PLCE1: variants seen among roughly 807,000 people sequenced by gnomAD.
PLCE1 encodes 1-phosphatidylinositol 4,5-bisphosphate phosphodiesterase epsilon-1.
In PLCE1, 119 loss-of-function variants were observed where a neutral mutation model predicts 242.8. The ratio of observed to expected loss-of-function variants is 0.49; its 90% CI spans 0.42 to 0.57. The LOEUF is 0.57. Ranked by LOEUF, PLCE1 falls within the 20% of genes least tolerant of loss-of-function variation. The pLI is 0.00. For missense variants in PLCE1, 2,441 were observed against 2,788.8 expected, an observed-to-expected ratio of 0.88 and a Z score of 2.81; for synonymous variants, 945 against 1,017.4, an observed-to-expected ratio of 0.93 and a Z score of 1.35.
At chr10:94,129,450 T>C (rs1290719863) in intron 2 of PLCE1, among the ~76,000 whole-genome samples, 1 of 152,212 alleles carries the variant, frequency 6.6e-6, no homozygotes, top group Non-Finnish European at 1.5e-5. Flanking sequence ...TTTACTGAGA[T>C]TTTTTAAACT....
intron 4 of PLCE1, among the ~76,000 whole-genome samples, chr10:94,176,607 G>A (rs987028122): frequency 1.3e-5 from 2 of 152,166 alleles, no homozygotes; most frequent in Non-Finnish European, 2.9e-5. Context: ...GAATGTTATA[G>A]TATCTTAAAG....
At chr10:94,122,773 C>A (rs2046335162) in intron 2 of PLCE1, among the ~76,000 whole-genome samples, 1 of 152,172 alleles carries the variant, frequency 6.6e-6, no homozygotes, top group South Asian at 2.1e-4. Context: ...TTTTCAAACT[C>A]TAGCAGGAAT....
At chr10:94,252,555 T>A in intron 9 of PLCE1, 57 bp downstream of exon 9, 2 of 1,413,712 alleles carry the variant, frequency 1.4e-6, no homozygotes, top group Non-Finnish European at 2.0e-6. Context: ...CGCTGTATGG[T>A]GAACATCACC....
In PLCE1 at chr10:94,331,869, CTTTTTTTTTTTT is replaced by C. The variant is rs36054579; in HGVS notation, c.*3935_*3946del. On this transcript the variant is annotated 3_prime_UTR_variant, in exon 33 of 33. Transcript: ENST00000371380. ...GAGTCTCTATGATTACCAAGTTATT[CTTTTTTTTTTTT>C]TTTTTTTTGAGGCAAAGTCTCACTC... The C allele has an allele frequency of 2.5e-5, 3 of 119,094 alleles. No homozygotes were observed. Among genetic ancestry groups the C allele is most frequent in the Admixed American group, 1.8e-4 (2 of 11,002 alleles). 7.4% of individuals were successfully genotyped at this position (119,094 alleles called of 1,614,324 possible). A position where few individuals can be genotyped will look rare whatever the true frequency, so the allele number is the denominator to read the frequency against.
intron 29 of PLCE1, 84 bp from the exon 30 acceptor site, chr10:94,321,817 A>T (rs576428512): frequency 1.8e-5 from 18 of 990,860 alleles, no homozygotes; most frequent in Non-Finnish European, 2.5e-5. Flanking sequence ...TCACCAAGAT[A>T]CAAGCTCAGA....
chr10:94,327,169 A>C (rs1187859343), intron 32 of PLCE1, among the ~76,000 whole-genome samples: 1 of 152,216 alleles, frequency 6.6e-6, no homozygotes, highest in Non-Finnish European at 1.5e-5. Context: ...TCAAAACAAA[A>C]GCTAGGGAGG....
intron 18 of PLCE1, 42 bp from the exon 19 acceptor site, chr10:94,273,520 G>A: frequency 6.5e-7 from 1 of 1,548,682 alleles, no homozygotes; most frequent in Non-Finnish European, 8.9e-7. Context: ...ATCAATTATA[G>A]ATAAAAGGCA....
chr10:94,048,900 C>G (rs532083926), intron 2 of PLCE1, among the ~76,000 whole-genome samples: 1 of 151,272 alleles, frequency 6.6e-6, no homozygotes, highest in African/African-American at 2.4e-5. Context: ...TCCCGAGTAG[C>G]TGGGACTACA....
chr10:94,120,106 A>C (rs555133842), intron 2 of PLCE1, among the ~76,000 whole-genome samples: 1 of 151,992 alleles, frequency 6.6e-6, no homozygotes, highest in African/African-American at 2.4e-5. Flanking sequence ...GGGCTTTCCT[A>C]CTATTCTCTA....
chr10:94,293,751 A>G (rs1340386080), intron 23 of PLCE1, 112 bp downstream of exon 23: 1 of 1,227,912 alleles, frequency 8.1e-7, no homozygotes, highest in Non-Finnish European at 1.2e-6. Context: ...CCTGAACATT[A>G]ATATTGTCTG....
chr10:94,278,027 C>T (rs1030206386), intron 19 of PLCE1, among the ~76,000 whole-genome samples: 2 of 152,124 alleles, frequency 1.3e-5, no homozygotes, highest in Non-Finnish European at 2.9e-5. Flanking sequence ...TGAGAAATCG[C>T]AGCCTAGACC....
At chr10:94,268,470 G>C (rs1303743414) in intron 16 of PLCE1, among the ~76,000 whole-genome samples, 2 of 152,152 alleles carry the variant, frequency 1.3e-5, no homozygotes, top group African/African-American at 4.8e-5. Flanking sequence ...GGTCTTAATG[G>C]AAGTGATTTT....
intron 4 of PLCE1, among the ~76,000 whole-genome samples, chr10:94,199,881 A>G (rs527953143): frequency 6.6e-6 from 1 of 152,356 alleles, no homozygotes; most frequent in South Asian, 2.1e-4. Context: ...ATGACTGCAC[A>G]GCAGCAAAGA....
Position 94,321,938 on chromosome 10 carries a change from A to G in PLCE1, c.6380A>G (p.Glu2127Gly). 1 of 1,613,768 alleles carries G rather than the reference A, an allele frequency of 6.2e-7. No homozygotes were observed. Among genetic ancestry groups the G allele is most frequent in the Non-Finnish European group, 8.5e-7 (1 of 1,179,658 alleles). The change falls in exon 30 of 33, where the codon GAG (glutamate) becomes GGG (glycine). Residue 2127 changes from glutamate (E) to glycine (G), a missense_variant. Physicochemically the swap from Glu to Gly is moderately conservative, Grantham distance 98. This residue lies in a region of PLCE1 where 310 missense variants were observed against 317.2 expected (regional missense o/e 0.98). Coordinates refer to ENST00000371380, the MANE Select transcript of PLCE1 (RefSeq NM_016341.4). ...EEKNIVQDDK[E>G]VILSSEEESF... ...AAAAACATTGTTCAAGATGACAAAG[A>G]GGTGATCTTGAGCTCAGAGGAGGAG...
chr10:94,283,895 C>T lies in PLCE1; in HGVS notation c.4901C>T (p.Ala1634Val). 1 of 1,611,710 alleles carries T rather than the reference C, an allele frequency of 6.2e-7. No homozygotes were observed. The highest frequency in any genetic ancestry group is 8.5e-7 in the Non-Finnish European group (1 of 1,178,358). The change falls in exon 21 of 33, where the codon GCT (alanine) becomes GTT (valine). Residue 1634 changes from alanine (A) to valine (V), a missense_variant. Around this residue, in one of 5 missense-constraint regions of PLCE1, gnomAD observed 1,004 missense variants for 1,322.7 expected, o/e 0.76. Coordinates refer to ENST00000371380, the MANE Select transcript of PLCE1 (RefSeq NM_016341.4). ...AGGATAAAGAAAGCAGATAACTCTG[C>T]TTGCAACAAAGGAAAGGTGGGTGAA... The part of the protein sequence containing the change: ...PKRIKKADNS[A>V]CNKGKVYDME...
At position 94,321,903 on chromosome 10, in the gene PLCE1, C is replaced by T. The variant is rs1268028989; in HGVS notation, c.6345C>T (p.Asn2115=). The T allele has an allele frequency of 1.9e-6, 3 of 1,610,790 alleles. No homozygotes were observed. Among genetic ancestry groups the T allele is most frequent in the South Asian group, 2.2e-5 (2 of 91,004 alleles). ...GRIVLKTQQE[N]LEEKNIVQDD... is the part of the protein sequence containing the mutation. ...ACATTTTTTCTTTTTAAACATAGAA[C>T]CTAGAAGAGAAAAACATTGTTCAAG... Residue 2115 remains asparagine, a splice_region_variant and synonymous_variant, in exon 30 of 33, where the codon AAC becomes AAT. Coordinates refer to ENST00000371380, the MANE Select transcript of PLCE1 (RefSeq NM_016341.4).
intron 2 of PLCE1, among the ~76,000 whole-genome samples, chr10:94,054,309 A>T (rs2043842914): frequency 6.6e-6 from 1 of 151,988 alleles, no homozygotes. Flanking sequence ...ATATTTCCAG[A>T]CTCCCTTGCA....
intron 1 of PLCE1, among the ~76,000 whole-genome samples, chr10:94,003,436 C>T (rs2060970513): frequency 1.3e-5 from 2 of 152,136 alleles, no homozygotes; most frequent in South Asian, 2.1e-4. Flanking sequence ...CACAAATTTC[C>T]CATCATTAAA....
In PLCE1 at chr10:94,330,376, T is replaced by C. The variant is rs1361897779; in HGVS notation, c.*2433T>C. ...TCTTTGGGATTACAGAAAGAACACA[T>C]TGTTTCAAAATGTAAAGAGTTGGCT... On this transcript the variant is annotated 3_prime_UTR_variant, in exon 33 of 33. Coordinates refer to ENST00000371380, the MANE Select transcript of PLCE1 (RefSeq NM_016341.4). The C allele has an allele frequency of 1.3e-5, 2 of 152,144 alleles. No individual in the cohort carries two copies. Among genetic ancestry groups the C allele is most frequent in the South Asian group, 2.1e-4 (1 of 4,824 alleles). 9.4% of individuals were successfully genotyped at this position (152,144 alleles called of 1,614,324 possible). A position where few individuals can be genotyped will look rare whatever the true frequency, so the allele number is the denominator to read the frequency against.
Sources: allele counts gnomAD v4.1 joint callset (sites outside exome capture counted in the v4.1 genomes callset), GRCh38; gene constraint gnomAD v4.1.1; regional missense constraint gnomAD v4.1.1; transcripts MANE v1.5; gene names NCBI Gene and HGNC (gene_info 2026-07-23, HGNC 2026-07-21).